The following RNF2 variants were observed in gnomAD, a reference collection of about 807,000 sequenced individuals.
The protein encoded by RNF2 is E3 ubiquitin-protein ligase RING2.
In RNF2, 6 loss-of-function variants were observed where a neutral mutation model predicts 37.2. That is an observed-to-expected ratio of 0.16 (90% CI 0.09 to 0.32). The LOEUF (loss-of-function observed/expected upper bound fraction) is 0.32, where lower values mean the gene tolerates loss of function less well. Among genes scored for constraint, RNF2 ranks in the 10% least tolerant of loss-of-function variants. RNF2 has a pLI of 1.00. For missense variants in RNF2, 251 were observed against 404.0 expected (o/e 0.62, Z 3.25); for synonymous variants, 133 against 132.7 (o/e 1.00, Z -0.02).
chr1:185,071,094 G>T (rs1650959260), intron 1 of RNF2, among the ~76,000 whole-genome samples: 1 of 152,150 alleles, frequency 6.6e-6, no homozygotes, highest in Non-Finnish European at 1.5e-5. Flanking sequence ...AGGAGGGAGG[G>T]TAGGCAGTGA....
intron 4 of RNF2, among the ~76,000 whole-genome samples, chr1:185,095,023 G>A (rs149175227): frequency 9.9e-4 from 151 of 152,292 alleles, no homozygotes; most frequent in African/African-American, 3.4e-3. Context: ...ATTCTGGAGT[G>A]TAGTCAAGAT....
chr1:185,092,992 T>C, intron 3 of RNF2, 69 bp from the exon 4 acceptor site: 1 of 1,291,880 alleles, frequency 7.7e-7, no homozygotes, highest in Non-Finnish European at 1.1e-6. Flanking sequence ...ATCCAGAAGC[T>C]GGGTATTTTT....
At position 185,099,833 on chromosome 1, in the gene RNF2, C is replaced by G. The variant is rs1175258567; in HGVS notation, c.780C>G (p.Ser260=). ...GTAACGCCACTGTTGATCACTTATC[C>G]AAGTATCTGGCTGTGAGGTTAGCTT... is the stretch of plus-strand genomic sequence containing the variant. The part of the protein sequence containing the change: ...TSGNATVDHL[S]KYLAVRLALE... The change falls in exon 6 of 7, where the codon TCC becomes TCG. Residue 260 remains serine (S), a synonymous_variant. Transcript: ENST00000367510. The G allele has an allele frequency of 6.2e-7, 1 of 1,613,974 alleles. No homozygotes were observed. The highest frequency in any genetic ancestry group is 1.1e-5 in the South Asian group (1 of 91,032).
At chr1:185,062,478 A>G (rs1650636736) in intron 1 of RNF2, among the ~76,000 whole-genome samples, 2 of 151,996 alleles carry the variant, frequency 1.3e-5, no homozygotes, top group Admixed American at 1.3e-4. Context: ...GAACTAAACA[A>G]TGATGTTGGG....
At position 185,098,326 on chromosome 1, in the gene RNF2, A is replaced by G. The variant is rs150921641; in HGVS notation, c.719A>G (p.Asp240Gly). The change falls in exon 5 of 7, where the codon GAT becomes GGT. Residue 240 changes from aspartate to glycine, a missense_variant. Transcript: ENST00000367510. ...FRPHPTLMEK[D>G]DSAQTRYIKT... ...CCTCATCCCACACTTATGGAAAAAG[A>G]TGACAGTGCACAGACGAGGTAAGTG... 6.2e-7 allele frequency: 1 copy of G among 1,614,038 alleles called. No individual in the cohort carries two copies. Among genetic ancestry groups the G allele is most frequent in the African/African-American group, 1.3e-5 (1 of 74,952 alleles).
At position 185,077,084 on chromosome 1, in the gene RNF2, T is replaced by TA. The variant is rs1003791020; in HGVS notation, c.-2-10462dup. On this transcript the variant is annotated intron_variant, in intron 1 of 6. Transcript: ENST00000367510. ...TGTTGCTATCGTGAATGGGATCTTT[T>TA]AAAAAATTTATTTCTGAATGGTAAT... 2.0e-5 allele frequency among the ~76,000 whole-genome samples: 3 copies of TA among 152,192 alleles called. No individual in the cohort carries two copies. The South Asian group carries it at 6.2e-4, about 31-fold the overall frequency.
At chr1:185,085,145 CTTTTTT>C (rs71555455) in intron 1 of RNF2, among the ~76,000 whole-genome samples, 2 of 103,222 alleles carry the variant, frequency 1.9e-5, no homozygotes, top group Admixed American at 1.2e-4. Flanking sequence ...CTTTCTTTTT[CTTTTTT>C]TTTTTTTTTT....
chr1:185,085,234 C>T (rs1258867787), intron 1 of RNF2, among the ~76,000 whole-genome samples: 2 of 145,120 alleles, frequency 1.4e-5, no homozygotes, highest in Non-Finnish European at 3.0e-5. Context: ...CTGCAAGCTC[C>T]GCCTCCCGGG....
At chr1:185,053,205 C>T (rs1650319528) in intron 1 of RNF2, among the ~76,000 whole-genome samples, 3 of 152,218 alleles carry the variant, frequency 2.0e-5, no homozygotes, top group Middle Eastern at 3.4e-3. Flanking sequence ...TGTTATTATT[C>T]CCATAAAAAA....
At chr1:185,084,827 A>G (rs1651532808) in intron 1 of RNF2, among the ~76,000 whole-genome samples, 1 of 152,228 alleles carries the variant, frequency 6.6e-6, no homozygotes, top group Non-Finnish European at 1.5e-5. Flanking sequence ...GAGAGTTGCC[A>G]TAGCAGGTGT....
chr1:185,060,465 C>G (rs1361830366), intron 1 of RNF2, among the ~76,000 whole-genome samples: 1 of 152,176 alleles, frequency 6.6e-6, no homozygotes, highest in African/African-American at 2.4e-5. Flanking sequence ...CCCTTGCTCA[C>G]TTAAGGACTC....
chr1:185,078,715 G>C (rs1033761448), intron 1 of RNF2, among the ~76,000 whole-genome samples: 1 of 152,126 alleles, frequency 6.6e-6, no homozygotes, highest in African/African-American at 2.4e-5. Flanking sequence ...TTCGAGACCA[G>C]CCTGGCCAAC....
intron 1 of RNF2, among the ~76,000 whole-genome samples, chr1:185,047,033 T>C (rs1650140669): frequency 6.6e-6 from 1 of 152,236 alleles, no homozygotes; most frequent in East Asian, 1.9e-4. Flanking sequence ...AATCAACAAG[T>C]ATCTTTAAAA....
chr1:185,091,573 T>C lies in RNF2; in HGVS notation c.88-6T>C, dbSNP rs1651766107. 6.2e-7 allele frequency: 1 copy of C among 1,612,100 alleles called. No homozygotes were observed. Among genetic ancestry groups the C allele is most frequent in the African/African-American group, 1.3e-5 (1 of 74,884 alleles). On this transcript the variant is annotated splice_polypyrimidine_tract_variant and splice_region_variant and intron_variant, in intron 2 of 6. Transcript: ENST00000367510. ...AGCTTTTAATTTTAAAGTGACTCTT[T>C]TACAGGAGGCAATAACAGATGGCTT...
intron 1 of RNF2, among the ~76,000 whole-genome samples, chr1:185,082,108 T>C (rs1200645960): frequency 6.6e-6 from 1 of 152,148 alleles, no homozygotes; most frequent in Non-Finnish European, 1.5e-5. Flanking sequence ...CACTTAAAAA[T>C]GGCGATATTT....
intron 1 of RNF2, among the ~76,000 whole-genome samples, chr1:185,070,638 CTTTTTTTTTT>C (rs893631238): frequency 1.5e-5 from 2 of 129,744 alleles, no homozygotes; most frequent in African/African-American, 5.6e-5. Context: ...ATTTTCTTTT[CTTTTTTTTTT>C]TTTTTTTTGA....
chr1:185,054,294 G>A (rs1476167417), intron 1 of RNF2, among the ~76,000 whole-genome samples: 1 of 152,168 alleles, frequency 6.6e-6, no homozygotes, highest in East Asian at 1.9e-4. Flanking sequence ...CAGTTTACAG[G>A]TAAGGAAATG....
intron 1 of RNF2, among the ~76,000 whole-genome samples, chr1:185,054,672 T>A (rs1650378496): frequency 6.6e-6 from 1 of 151,250 alleles, no homozygotes; most frequent in Non-Finnish European, 1.5e-5. Flanking sequence ...TTCTTTTTAA[T>A]CTTTCTTTGT....
intron 4 of RNF2, among the ~76,000 whole-genome samples, chr1:185,093,529 G>T (rs1004351414): frequency 6.6e-6 from 1 of 152,034 alleles, no homozygotes; most frequent in African/African-American, 2.4e-5. Flanking sequence ...TGAAAGAGTT[G>T]TAACTCCAAT....
Sources: gnomAD v4.1 joint callset for allele counts (sites outside exome capture counted in the v4.1 genomes callset) on GRCh38, gnomAD v4.1.1 for gene constraint, MANE v1.5 for transcripts, NCBI Gene and HGNC (gene_info 2026-07-23, HGNC 2026-07-21) for gene names.